Variants in ADGRL2 observed in about 807,000 individuals in gnomAD.
The protein encoded by ADGRL2 is calcium-independent alpha-latrotoxin receptor 2.
ADGRL2 carries 44 observed loss-of-function variants against 157.4 expected under a neutral mutation model. That is an observed-to-expected ratio of 0.28 (90% CI 0.22 to 0.36). ADGRL2 has a LOEUF of 0.36. ADGRL2 is among the 10% of genes least tolerant of loss of function. ADGRL2 has a pLI of 1.00. For synonymous variants in ADGRL2, 585 were observed against 624.7 expected (o/e 0.94, Z 0.95); for missense variants, 1,510 against 1,768.9 (o/e 0.85, Z 2.63).
intron 2 of ADGRL2, among the ~76,000 whole-genome samples, chr1:81,844,316 G>A (rs187753257): frequency 1.3e-5 from 2 of 152,212 alleles, no homozygotes; most frequent in Admixed American, 6.5e-5. Context: ...TAATTTTGTG[G>A]AACTGTGATT....
Position 81,862,066 on chromosome 1 carries a change from T to C in ADGRL2, c.73+25009T>C, listed in dbSNP as rs185097036. Reference sequence around the variant, plus strand: ...AATAAAAGAAATATTACGTTTACGCTGGAATTTTGTTTTGCTTGCTGAAGT... The same window carrying C: ...AATAAAAGAAATATTACGTTTACGCCGGAATTTTGTTTTGCTTGCTGAAGT... On this transcript the variant is annotated intron_variant, in intron 2 of 23. Transcript: ENST00000686636. Among the ~76,000 whole-genome samples, 440 of 152,286 alleles carry C rather than the reference T, an allele frequency of 2.9e-3. 2 individuals carry two copies. The highest frequency in any genetic ancestry group is 5.1e-3 in the Non-Finnish European group (350 of 68,018).
In ADGRL2 at chr1:81,722,322, G is replaced by A. The variant is rs181762155; in HGVS notation, c.-143+22514G>A. On this transcript the variant is annotated intron_variant, in intron 1 of 20. Transcript: ENST00000359929. ...AAAAAGAAAATGCAGAGATAACAGA[G>A]GAGATGAGATCAGGCATATGATAAG... 2.0e-4 allele frequency: 129 copies of A among 661,072 alleles called. 1 individual carries two copies. The East Asian group carries it at 3.4e-3, about 17-fold the overall frequency. The allele number at this position is 661,072 out of a possible 1,614,324, so 41.0% of individuals were successfully genotyped here.
intron 3 of ADGRL2, among the ~76,000 whole-genome samples, chr1:81,930,859 C>T (rs1449998637): frequency 5.3e-5 from 8 of 152,042 alleles, no homozygotes; most frequent in East Asian, 1.9e-4. Context: ...GGGCCAGACA[C>T]GGTGGCTCAT....
rs1389179754 is a variant in ADGRL2 at position 81,952,199 on chromosome 1, TGTCTTATAGCA to T, written c.1794+60_1794+70del. 3 of 1,437,030 alleles carry T rather than the reference TGTCTTATAGCA, an allele frequency of 2.1e-6. No individual in the cohort carries two copies. The African/African-American group carries it at 4.3e-5, about 21-fold the overall frequency. 89.0% of individuals were successfully genotyped at this position (1,437,030 alleles called of 1,614,324 possible). A position where few individuals can be genotyped will look rare whatever the true frequency, so the allele number is the denominator to read the frequency against. ...GACACTTGGTATGGCAGCTCTTTCT[TGTCTTATAGCA>T]GTTGAGAGCCAAATCTTTGGCCCCG... is the stretch of plus-strand genomic sequence containing the variant. On this transcript the variant is annotated intron_variant, in intron 9 of 23. Coordinates refer to ENST00000686636, the MANE Select transcript of ADGRL2 (RefSeq NM_001366006.2).
chr1:81,481,914 C>A (rs1430876968), intron 2 of ADGRL2, among the ~76,000 whole-genome samples: 1 of 152,136 alleles, frequency 6.6e-6, no homozygotes, highest in Non-Finnish European at 1.5e-5. Context: ...AAGTCAGTTA[C>A]CAACATAACA....
rs369198098 is a variant in ADGRL2 at position 81,430,824 on chromosome 1, C to T, written c.-301-14212C>T. Among the ~76,000 whole-genome samples, 1,157 of 152,246 alleles carry T rather than the reference C, an allele frequency of 7.6e-3. 4 individuals carry two copies. The highest frequency in any genetic ancestry group is 0.014 in the Middle Eastern group (4 of 294). The stretch of plus-strand genomic sequence containing the variant: ...AAGACGTGCAGAAAGTGCCAATCCT[C>T]CCTCTGTGTCCATGGAAAACTCCAT... On this transcript the variant is annotated intron_variant, in intron 1 of 24. Transcript: ENST00000370721.
At chr1:81,740,974 G>A (rs980993311) in intron 1 of ADGRL2, among the ~76,000 whole-genome samples, 5 of 151,980 alleles carry the variant, frequency 3.3e-5, no homozygotes, top group Non-Finnish European at 7.4e-5. Flanking sequence ...ACCATAGGAA[G>A]GAAGGAAATT....
chr1:81,751,680 G>A (rs2085494661), intron 1 of ADGRL2, among the ~76,000 whole-genome samples: 1 of 152,142 alleles, frequency 6.6e-6, no homozygotes, highest in African/African-American at 2.4e-5. Flanking sequence ...GAGGATTATA[G>A]TGATGTATCA....
At chr1:81,377,155 AC>A in intron 1 of ADGRL2, among the ~76,000 whole-genome samples, 1 of 152,318 alleles carries the variant, frequency 6.6e-6, no homozygotes. Flanking sequence ...AGCCTATGTG[AC>A]AGAGAAAGAC....
intron 1 of ADGRL2, among the ~76,000 whole-genome samples, chr1:81,817,703 G>A (rs775199266): frequency 2.0e-5 from 3 of 152,008 alleles, no homozygotes; most frequent in Non-Finnish European, 4.4e-5. Context: ...ATTTGAATGA[G>A]TAAAATCTTG....
intron 3 of ADGRL2, among the ~76,000 whole-genome samples, chr1:81,636,838 G>A (rs1017557549): frequency 2.0e-5 from 3 of 152,064 alleles, no homozygotes; most frequent in Admixed American, 6.6e-5. Context: ...CCTTTTTAGA[G>A]TTTGTTGTTG....
chr1:81,549,663 G>T (rs1315748084), intron 2 of ADGRL2, among the ~76,000 whole-genome samples: 3 of 152,156 alleles, frequency 2.0e-5, no homozygotes, highest in African/African-American at 7.2e-5. Flanking sequence ...TTTTAGGAGA[G>T]AGCTAAGGGA....
intron 3 of ADGRL2, among the ~76,000 whole-genome samples, chr1:81,606,656 C>CT (rs1233724849): frequency 6.6e-6 from 1 of 151,894 alleles, no homozygotes; most frequent in Non-Finnish European, 1.5e-5. Context: ...TTTTTCTTTC[C>CT]TTTTTTTCTC....
intron 3 of ADGRL2, among the ~76,000 whole-genome samples, chr1:81,665,381 C>G (rs1203555363): frequency 1.3e-5 from 2 of 152,122 alleles, no homozygotes; most frequent in African/African-American, 2.4e-5. Context: ...TTTGGCCATT[C>G]TCTCTTAATA....
chr1:81,395,113 G>A (rs2076632394), intron 1 of ADGRL2, among the ~76,000 whole-genome samples: 1 of 152,094 alleles, frequency 6.6e-6, no homozygotes, highest in South Asian at 2.1e-4. Context: ...TATTCACCAT[G>A]TTGGCCAGGC....
chr1:81,515,001 AG>A (rs1476071954), intron 2 of ADGRL2: 2 of 152,332 alleles, frequency 1.3e-5, no homozygotes, highest in African/African-American at 4.8e-5. Flanking sequence ...AAATATTAAC[AG>A]CATATTGTTT....
At chr1:81,521,917 G>A (rs551007803) in intron 2 of ADGRL2, among the ~76,000 whole-genome samples, 10 of 151,546 alleles carry the variant, frequency 6.6e-5, no homozygotes, top group East Asian at 5.8e-4. Context: ...AGAAGATATC[G>A]TCATTGGCAT....
At chr1:81,797,812 T>C (rs2087667164), upstream of ADGRL2, among the ~76,000 whole-genome samples, 1 of 152,122 alleles carries the variant, frequency 6.6e-6, no homozygotes, top group East Asian at 1.9e-4. Flanking sequence ...GTTTCTACAG[T>C]TGGAAAAAAC....
intron 1 of ADGRL2, among the ~76,000 whole-genome samples, chr1:81,825,356 T>G (rs1350073891): frequency 6.6e-6 from 1 of 152,008 alleles, no homozygotes; most frequent in Non-Finnish European, 1.5e-5. Context: ...AGCAAGACGC[T>G]CTCTTTTTTT....
Sources: allele counts gnomAD v4.1 joint callset (sites outside exome capture counted in the v4.1 genomes callset), GRCh38; gene constraint gnomAD v4.1.1; transcripts MANE v1.5; gene names NCBI Gene and HGNC (gene_info 2026-07-23, HGNC 2026-07-21).